PDE10A: variants seen among roughly 807,000 people sequenced by gnomAD.
The protein encoded by PDE10A is cAMP and cAMP-inhibited cGMP 3',5'-cyclic phosphodiesterase 10A.
In PDE10A, 39 loss-of-function variants were observed where a neutral mutation model predicts 97.7. The ratio of observed to expected loss-of-function variants is 0.40; its 90% confidence interval spans 0.31 to 0.52. The LOEUF (loss-of-function observed/expected upper bound fraction) is 0.52, where lower values mean the gene tolerates loss of function less well. Among genes scored for constraint, PDE10A ranks in the 20% least tolerant of loss-of-function variants. The pLI is 0.56. For synonymous variants in PDE10A, 371 were observed against 376.8 expected (o/e 0.98, Z 0.18); for missense variants, 731 against 1,047.8 (o/e 0.70, Z 4.17).
At chr6:165,443,793 G>A (rs534372123) in intron 5 of PDE10A, among the ~76,000 whole-genome samples, 1 of 152,298 alleles carries the variant, frequency 6.6e-6, no homozygotes, top group African/African-American at 2.4e-5. Flanking sequence ...CTGGGACACA[G>A]GACACCATGT....
intron 1 of PDE10A, among the ~76,000 whole-genome samples, chr6:165,597,282 C>A (rs9365895): frequency 6.7e-6 from 1 of 149,432 alleles, no homozygotes; most frequent in Non-Finnish European, 1.5e-5. Context: ...CACATACAGA[C>A]CATGGATTAA....
intron 1 of PDE10A, among the ~76,000 whole-genome samples, chr6:165,902,003 T>G (rs979708515): frequency 6.6e-6 from 1 of 152,226 alleles, no homozygotes; most frequent in Non-Finnish European, 1.5e-5. Context: ...AGTCCATTAT[T>G]AACTACTGAT....
chr6:165,500,164 T>C (rs62443778), intron 2 of PDE10A, among the ~76,000 whole-genome samples: 9,179 of 152,232 alleles, frequency 0.06, 314 homozygotes, highest in African/African-American at 0.093. Flanking sequence ...AAACTGTATA[T>C]ACATACACAC....
intron 2 of PDE10A, among the ~76,000 whole-genome samples, chr6:165,496,802 G>T (rs1024846992): frequency 6.6e-6 from 1 of 152,092 alleles, no homozygotes; most frequent in Non-Finnish European, 1.5e-5. Flanking sequence ...GCTAGAAATC[G>T]CTACTTTTAA....
intron 13 of PDE10A, among the ~76,000 whole-genome samples, chr6:165,398,937 C>T (rs528133430): frequency 3.2e-4 from 49 of 152,168 alleles, no homozygotes; most frequent in Middle Eastern, 3.4e-3. Flanking sequence ...TACAAGAATT[C>T]TACTCGAACT....
At chr6:165,400,337 A>G (rs1786544709) in intron 13 of PDE10A, among the ~76,000 whole-genome samples, 1 of 152,186 alleles carries the variant, frequency 6.6e-6, no homozygotes, top group Non-Finnish European at 1.5e-5. Context: ...AAATTGATCA[A>G]CTGGACTTCT....
At chr6:165,913,281 C>T (rs1292304412) in intron 1 of PDE10A, among the ~76,000 whole-genome samples, 4 of 63,430 alleles carry the variant, frequency 6.3e-5, no homozygotes, top group African/African-American at 2.3e-4. Flanking sequence ...TGTACACACA[C>T]ACACACACAC....
In PDE10A at chr6:165,823,832, C is replaced by T. The variant is rs141785578; in HGVS notation, c.-615+163697G>A. ...GTTTTCCAGCTCCATAATCATCTTA[C>T]GGGACCGCTGTCATATATGCAATCT... On this transcript the variant is annotated intron_variant, in intron 1 of 19. Coordinates refer to the PDE10A transcript ENST00000366882. 3.3e-3 allele frequency among the ~76,000 whole-genome samples: 498 copies of T among 152,024 alleles called. 4 individuals carry two copies. The highest frequency in any genetic ancestry group is 0.011 in the African/African-American group (464 of 41,454).
At chr6:165,551,099 G>A (rs1783992919) in intron 1 of PDE10A, among the ~76,000 whole-genome samples, 2 of 152,128 alleles carry the variant, frequency 1.3e-5, no homozygotes, top group African/African-American at 4.8e-5. Context: ...CTGCTCATCA[G>A]CAATGTTCTT....
At chr6:165,738,402 C>T (rs916716595) in intron 1 of PDE10A, among the ~76,000 whole-genome samples, 1 of 150,312 alleles carries the variant, frequency 6.7e-6, no homozygotes, top group African/African-American at 2.4e-5. Context: ...TTTCTTAATC[C>T]AGTCTATCAT....
At chr6:165,747,755 C>G (rs184610468) in intron 1 of PDE10A, among the ~76,000 whole-genome samples, 1 of 152,114 alleles carries the variant, frequency 6.6e-6, no homozygotes, top group Non-Finnish European at 1.5e-5. Context: ...GGCAGCTGGG[C>G]AGGACCTGGT....
At chr6:165,981,521 A>G (rs1386056838) in intron 1 of PDE10A, among the ~76,000 whole-genome samples, 1 of 152,174 alleles carries the variant, frequency 6.6e-6, no homozygotes, top group East Asian at 1.9e-4. Context: ...TTGAATCAAA[A>G]AGGCAGGGGC....
intron 1 of PDE10A, among the ~76,000 whole-genome samples, chr6:165,943,266 G>A (rs1254966986): frequency 0.055 from 4,655 of 84,194 alleles, 700 homozygotes; most frequent in African/African-American, 0.093. Flanking sequence ...AAGGAAGGAA[G>A]GAAGGAAGGA....
chr6:165,801,144 G>T (rs1269967903), intron 1 of PDE10A, among the ~76,000 whole-genome samples: 2 of 152,236 alleles, frequency 1.3e-5, no homozygotes, highest in African/African-American at 4.8e-5. Flanking sequence ...GTCCATGTCA[G>T]TGTCCATAAT....
chr6:165,377,378 A>T (rs1450967281), intron 18 of PDE10A, among the ~76,000 whole-genome samples: 1 of 152,072 alleles, frequency 6.6e-6, no homozygotes, highest in Non-Finnish European at 1.5e-5. Context: ...TCTTTTTTAT[A>T]CCTCTATATT....
chr6:165,582,813 T>C (rs189075724), intron 1 of PDE10A, among the ~76,000 whole-genome samples: 106 of 152,298 alleles, frequency 7.0e-4, no homozygotes, highest in Admixed American at 1.2e-3. Flanking sequence ...TTCAAATTGT[T>C]ACACATTCAA....
At chr6:165,377,534 A>G (rs1784682565) in intron 18 of PDE10A, among the ~76,000 whole-genome samples, 1 of 152,190 alleles carries the variant, frequency 6.6e-6, no homozygotes, top group Admixed American at 6.5e-5. Flanking sequence ...AAGTGTTGTT[A>G]TTTTTAGGTG....
At chr6:165,832,847 C>T (rs1779961277) in intron 1 of PDE10A, among the ~76,000 whole-genome samples, 1 of 152,204 alleles carries the variant, frequency 6.6e-6, no homozygotes, top group Non-Finnish European at 1.5e-5. Flanking sequence ...GTCTTCACCC[C>T]TCACATATTC....
At chr6:165,381,958 A>G (rs1784963885) in intron 17 of PDE10A, among the ~76,000 whole-genome samples, 1 of 152,118 alleles carries the variant, frequency 6.6e-6, no homozygotes, top group Admixed American at 6.5e-5. Context: ...ACTTTTATAC[A>G]CCAATTGATA....
Sources: allele counts gnomAD v4.1 joint callset (sites outside exome capture counted in the v4.1 genomes callset), GRCh38; gene constraint gnomAD v4.1.1; transcripts MANE v1.5; gene names NCBI Gene and HGNC (gene_info 2026-07-23, HGNC 2026-07-21).